Variants in PPP2R3A observed in about 807,000 individuals in gnomAD.
PPP2R3A encodes serine/threonine-protein phosphatase 2A regulatory subunit B'' subunit alpha.
PPP2R3A carries 80 observed loss-of-function variants against 106.9 expected under a neutral mutation model. The observed-to-expected ratio is 0.75, with a 90% CI of 0.62 to 0.90. The LOEUF (loss-of-function observed/expected upper bound fraction) is 0.90. Among genes scored for constraint, PPP2R3A ranks in the 40% least tolerant of loss-of-function variants. The pLI, the probability that PPP2R3A is intolerant of heterozygous loss-of-function variation, is 0.00. For missense variants in PPP2R3A, 1,386 were observed against 1,350.4 expected (o/e 1.03, Z -0.41); for synonymous variants, 483 against 468.3 (o/e 1.03, Z -0.41).
chr3:136,076,511 G>A (rs1312080297), intron 6 of PPP2R3A, among the ~76,000 whole-genome samples: 2 of 152,148 alleles, frequency 1.3e-5, no homozygotes, highest in African/African-American at 2.4e-5. Flanking sequence ...ACATTCATCT[G>A]CTATGCAAAA....
chr3:136,014,516 T>A (rs1934205031), intron 2 of PPP2R3A, among the ~76,000 whole-genome samples: 1 of 152,220 alleles, frequency 6.6e-6, no homozygotes, highest in African/African-American at 2.4e-5. Flanking sequence ...TTTGTGGTTT[T>A]CCTTGCAGAG....
intron 2 of PPP2R3A, among the ~76,000 whole-genome samples, chr3:136,006,939 G>A (rs1333501245): frequency 6.6e-6 from 1 of 152,164 alleles, no homozygotes; most frequent in African/African-American, 2.4e-5. Context: ...TGAATTCCAA[G>A]TTAGTAGAAT....
chr3:135,973,213 CTCT>C (rs1937295345), intron 1 of PPP2R3A, among the ~76,000 whole-genome samples: 1 of 152,094 alleles, frequency 6.6e-6, no homozygotes, highest in South Asian at 2.1e-4. Flanking sequence ...AAGTCTGAGA[CTCT>C]TATTTGTAAA....
intron 13 of PPP2R3A, among the ~76,000 whole-genome samples, chr3:136,108,349 G>A: frequency 6.6e-6 from 1 of 152,122 alleles, no homozygotes; most frequent in Non-Finnish European, 1.5e-5. Context: ...ATCATTTTGT[G>A]GATGTGTACT....
intron 3 of PPP2R3A, among the ~76,000 whole-genome samples, chr3:136,035,384 T>A (rs934733632): frequency 4.6e-5 from 7 of 152,228 alleles, no homozygotes; most frequent in African/African-American, 2.4e-5. Flanking sequence ...TGTTTCAAGA[T>A]TTAGAGCTCC....
Position 136,020,962 on chromosome 3 carries a change from T to G in PPP2R3A, c.1996-5870T>G, listed in dbSNP as rs79172816. ...AAATAAACAGGAAGCCTTCATGAAATAGCTAAATTTTGAGATGGATCTTGA... is the reference window on the plus strand; with the variant it reads ...AAATAAACAGGAAGCCTTCATGAAAGAGCTAAATTTTGAGATGGATCTTGA... On this transcript the variant is annotated intron_variant, in intron 2 of 13. Coordinates refer to ENST00000264977, the MANE Select transcript of PPP2R3A (RefSeq NM_002718.5). 5.9e-5 allele frequency among the ~76,000 whole-genome samples: 9 copies of G among 152,154 alleles called. No homozygotes were observed. In the East Asian group the frequency reaches 1.7e-3, roughly 29 times the overall value.
intron 5 of PPP2R3A, among the ~76,000 whole-genome samples, chr3:136,053,727 G>A (rs114374625): frequency 0.011 from 1,656 of 152,136 alleles, 25 homozygotes; most frequent in African/African-American, 0.033. Context: ...GGAGATCCCG[G>A]GAGGTCTCAC....
intron 13 of PPP2R3A, among the ~76,000 whole-genome samples, chr3:136,121,499 G>A (rs1291995629): frequency 2.0e-5 from 3 of 152,106 alleles, no homozygotes; most frequent in Admixed American, 6.5e-5. Flanking sequence ...TACTACCTGG[G>A]TGGTGAAATC....
chr3:136,132,175 G>A (rs75452345), intron 13 of PPP2R3A, among the ~76,000 whole-genome samples: 11,476 of 151,576 alleles, frequency 0.076, 610 homozygotes, highest in Non-Finnish European at 0.12. Flanking sequence ...AAAAAAAAAC[G>A]AATGCCTTTT....
rs998041617 is a variant in PPP2R3A, at chr3:136,002,313, C to G, written c.815C>G (p.Ser272Cys). ...GAAGGAAGTGGTAATGATACAATTT[C>G]TAGCTCTGAAACTGTCTATATGAAT... ...ISEGSGNDTISSSETVYMNVM... is the reference protein window; with the variant it reads ...ISEGSGNDTICSSETVYMNVM... Residue 272 changes from serine (S) to cysteine (C), a missense_variant, in exon 2 of 14, where the codon TCT becomes TGT. Physicochemically the swap from Ser to Cys is moderately radical, Grantham distance 112 (BLOSUM62 -1). Transcript: ENST00000264977. The G allele has an allele frequency of 6.2e-7, 1 of 1,613,602 alleles. No individual in the cohort carries two copies. The highest frequency in any genetic ancestry group is 1.3e-5 in the African/African-American group (1 of 74,904).
At chr3:136,106,139 C>T (rs776937339) in intron 12 of PPP2R3A, 77 bp from the exon 13 acceptor site, 12 of 1,197,856 alleles carry the variant, frequency 1.0e-5, no homozygotes, top group Non-Finnish European at 1.3e-5. Flanking sequence ...CAGCAGTATA[C>T]ATTTGTGTGA....
At chr3:136,066,569 G>A (rs1029644199) in intron 5 of PPP2R3A, among the ~76,000 whole-genome samples, 7 of 152,204 alleles carry the variant, frequency 4.6e-5, no homozygotes, top group Non-Finnish European at 7.3e-5. Context: ...TTTACAGGAA[G>A]TACGGTGCTG....
intron 6 of PPP2R3A, among the ~76,000 whole-genome samples, chr3:136,073,929 A>G (rs528887520): frequency 5.9e-5 from 9 of 152,358 alleles, no homozygotes; most frequent in Non-Finnish European, 8.8e-5. Context: ...TTAAAAAGAC[A>G]TCGTTCTCTA....
chr3:135,967,942 A>G (rs962627518), intron 1 of PPP2R3A, among the ~76,000 whole-genome samples: 2 of 152,116 alleles, frequency 1.3e-5, no homozygotes, highest in Admixed American at 1.3e-4. Context: ...TACCAGTAGC[A>G]CTCCACACAC....
chr3:136,137,203 C>G (rs1938653254), intron 13 of PPP2R3A, among the ~76,000 whole-genome samples: 1 of 152,086 alleles, frequency 6.6e-6, no homozygotes, highest in African/African-American at 2.4e-5. Flanking sequence ...TGTTACTATC[C>G]TAAGAAACTG....
chr3:136,061,234 G>A (rs771592371), intron 5 of PPP2R3A, among the ~76,000 whole-genome samples: 3 of 152,134 alleles, frequency 2.0e-5, no homozygotes, highest in Non-Finnish European at 2.9e-5. Flanking sequence ...TAACTAATTG[G>A]AGAGTGGGGA....
chr3:136,027,153 C>T, intron 3 of PPP2R3A, 55 bp downstream of exon 3: 1 of 1,483,122 alleles, frequency 6.7e-7, no homozygotes, highest in South Asian at 1.3e-5. Context: ...ACCCTGATCC[C>T]CTCCCCTTCT....
rs573896327 is a variant in PPP2R3A, at chr3:136,105,324, A to G, written c.3223-892A>G. 2.0e-5 allele frequency among the ~76,000 whole-genome samples: 3 copies of G among 152,340 alleles called. No homozygotes were observed. In the South Asian group the frequency reaches 6.2e-4, roughly 32 times the overall value. On this transcript the variant is annotated intron_variant, in intron 12 of 13. Coordinates refer to ENST00000264977, the MANE Select transcript of PPP2R3A (RefSeq NM_002718.5). The stretch of plus-strand genomic sequence containing the variant: ...GGGGACCAGAGAAATGTCTCTGATT[A>G]CAAGGCTAAAGAGTAGACTTACCAG...
intron 13 of PPP2R3A, among the ~76,000 whole-genome samples, chr3:136,107,997 G>C (rs188216194): frequency 1.3e-5 from 2 of 152,278 alleles, no homozygotes; most frequent in African/African-American, 2.4e-5. Context: ...CAGATCACTT[G>C]AGCCCAGGAG....
Sources: gnomAD v4.1 joint callset for allele counts (sites outside exome capture counted in the v4.1 genomes callset) on GRCh38, gnomAD v4.1.1 for gene constraint, MANE v1.5 for transcripts, NCBI Gene and HGNC (gene_info 2026-07-23, HGNC 2026-07-21) for gene names.